IQSEC1: variants seen among roughly 807,000 people sequenced by gnomAD.
IQSEC1 encodes IQ motif and SEC7 domain-containing protein 1.
IQSEC1 carries 31 observed loss-of-function variants against 91.0 expected under a neutral mutation model. The ratio of observed to expected loss-of-function variants is 0.34; its 90% confidence interval spans 0.26 to 0.46. IQSEC1 has a LOEUF of 0.46. IQSEC1 is among the 20% of genes least tolerant of loss of function. The pLI is 1.00. For synonymous variants in IQSEC1, 699 were observed against 662.6 expected, an observed-to-expected ratio of 1.05 and a Z score of -0.84; for missense variants, 1,388 against 1,575.6, an observed-to-expected ratio of 0.88 and a Z score of 2.02.
intron 1 of IQSEC1, among the ~76,000 whole-genome samples, chr3:12,995,494 A>G (rs750779345): frequency 2.6e-5 from 4 of 152,208 alleles, no homozygotes; most frequent in African/African-American, 9.7e-5. Flanking sequence ...TAGTATCCCA[A>G]TTTTACAGAC....
intron 2 of IQSEC1, among the ~76,000 whole-genome samples, chr3:12,938,750 G>A (rs1186777800): frequency 6.6e-6 from 1 of 152,146 alleles, no homozygotes; most frequent in African/African-American, 2.4e-5. Flanking sequence ...TCCCCGCAGG[G>A]CCTTCTCACC....
chr3:12,960,974 GA>G (rs1700207217), intron 1 of IQSEC1, among the ~76,000 whole-genome samples: 1 of 152,234 alleles, frequency 6.6e-6, no homozygotes, highest in African/African-American at 2.4e-5. Flanking sequence ...ACACATCCAG[GA>G]AAGGGCAGAA....
At chr3:13,084,425 A>C (rs931172881) in intron 2 of IQSEC1, among the ~76,000 whole-genome samples, 1 of 152,052 alleles carries the variant, frequency 6.6e-6, no homozygotes, top group Non-Finnish European at 1.5e-5. Flanking sequence ...CATTCATCCA[A>C]ACTTTACTGA....
At chr3:12,921,989 A>G (rs1401850135) in intron 5 of IQSEC1, 131 bp downstream of exon 5, 65 of 1,175,750 alleles carry the variant, frequency 5.5e-5, no homozygotes, top group Non-Finnish European at 7.1e-5. Context: ...ATCACCCCCA[A>G]AGCAACATTC....
chr3:13,188,124 T>C (rs554253527), intron 1 of IQSEC1, among the ~76,000 whole-genome samples: 18 of 152,376 alleles, frequency 1.2e-4, no homozygotes, highest in African/African-American at 4.1e-4. Flanking sequence ...TTTAGACCTC[T>C]GGTAGGACCT....
chr3:13,020,744 A>C (rs1703360321), intron 1 of IQSEC1, among the ~76,000 whole-genome samples: 1 of 152,136 alleles, frequency 6.6e-6, no homozygotes, highest in South Asian at 2.1e-4. Context: ...CATGATCATC[A>C]CACACTACCC....
intron 1 of IQSEC1, among the ~76,000 whole-genome samples, chr3:12,991,870 G>T (rs567122249): frequency 3.2e-4 from 47 of 148,920 alleles, no homozygotes; most frequent in Non-Finnish European, 3.4e-4. Context: ...GGGACAGCAG[G>T]CATGGGACAG....
At chr3:13,028,294 G>A (rs1248729954) in intron 1 of IQSEC1, among the ~76,000 whole-genome samples, 1 of 152,230 alleles carries the variant, frequency 6.6e-6, no homozygotes, top group African/African-American at 2.4e-5. Flanking sequence ...CCAGATAAGG[G>A]ACATGACCTG....
intron 1 of IQSEC1, among the ~76,000 whole-genome samples, chr3:13,281,424 G>A (rs1049497485): frequency 1.3e-5 from 2 of 151,370 alleles, no homozygotes; most frequent in Non-Finnish European, 2.9e-5. Flanking sequence ...CATTCACAGA[G>A]AGCAAGAGCC....
intron 1 of IQSEC1, chr3:13,047,646 C>T (rs1012878495): frequency 3.9e-6 from 1 of 258,414 alleles, no homozygotes; most frequent in African/African-American, 2.3e-5. Context: ...AACTGAGCAG[C>T]CCTGGGAAGA....
chr3:13,022,497 C>T (rs1170813546), intron 1 of IQSEC1: 6 of 989,454 alleles, frequency 6.1e-6, no homozygotes, highest in African/African-American at 5.2e-5. Flanking sequence ...GGGTGAGGGG[C>T]GTCCGCCGGT....
chr3:12,898,736 G>C lies in IQSEC1; in HGVS notation c.*2247C>G, dbSNP rs767031349. Reference sequence around the variant, plus strand: ...CAATATGTAATCGCTTTACTTCAACGATGTGTTTACAGTCACGCCAATACA... The same window carrying C: ...CAATATGTAATCGCTTTACTTCAACCATGTGTTTACAGTCACGCCAATACA... On this transcript the variant is annotated 3_prime_UTR_variant, in exon 14 of 14. Transcript: ENST00000613206. 1 of 152,392 alleles carries C rather than the reference G, an allele frequency of 6.6e-6. No homozygotes were observed. Among genetic ancestry groups the C allele is most frequent in the African/African-American group, 2.4e-5 (1 of 41,456 alleles). The allele number at this position is 152,392 out of a possible 1,614,324, so 9.4% of individuals were successfully genotyped here. A position where few individuals can be genotyped will look rare whatever the true frequency, so the allele number is the denominator to read the frequency against.
chr3:13,033,031 G>T (rs1156818654), intron 1 of IQSEC1, among the ~76,000 whole-genome samples: 2 of 152,204 alleles, frequency 1.3e-5, no homozygotes, highest in Non-Finnish European at 2.9e-5. Context: ...TACTCACGTG[G>T]TGTTGCAAGA....
At chr3:12,974,660 G>A (rs772030022) in intron 1 of IQSEC1, among the ~76,000 whole-genome samples, 9 of 152,194 alleles carry the variant, frequency 5.9e-5, no homozygotes, top group African/African-American at 1.4e-4. Flanking sequence ...TGCCTCTATC[G>A]GTAGAGGACC....
At chr3:13,230,873 C>G (rs973208174) in intron 1 of IQSEC1, among the ~76,000 whole-genome samples, 3 of 152,228 alleles carry the variant, frequency 2.0e-5, no homozygotes, top group African/African-American at 7.2e-5. Flanking sequence ...TCAACTGGGG[C>G]ATGGACAAAA....
chr3:13,072,909 A>G (rs1443538938), intron 1 of IQSEC1, 83 bp downstream of exon 1: 17 of 1,277,606 alleles, frequency 1.3e-5, no homozygotes, highest in African/African-American at 8.9e-5. Flanking sequence ...CCCTCCCCCA[A>G]CGATGCCCCT....
rs186155234 is a variant in IQSEC1, at chr3:13,087,333, A to C, written c.303-39811T>G. Reference sequence around the variant, plus strand: ...AAAAGGAAGAGAAATAGCAAGAAAGAATAACTCAGAGAACTGCATTGTTGC... The same window carrying C: ...AAAAGGAAGAGAAATAGCAAGAAAGCATAACTCAGAGAACTGCATTGTTGC... On this transcript the variant is annotated intron_variant, in intron 2 of 15. Transcript: ENST00000648114. Among the ~76,000 whole-genome samples the C allele has an allele frequency of 3.9e-4, 59 of 152,358 alleles. 1 individual carries two copies. The East Asian group carries it at 0.011, about 29-fold the overall frequency.
chr3:13,050,860 T>C (rs972452396), intron 1 of IQSEC1, among the ~76,000 whole-genome samples: 1 of 152,266 alleles, frequency 6.6e-6, no homozygotes, highest in East Asian at 1.9e-4. Context: ...CATATATTAA[T>C]GTGTGATACC....
At chr3:13,192,293 G>A (rs999725080) in intron 1 of IQSEC1, among the ~76,000 whole-genome samples, 13 of 149,300 alleles carry the variant, frequency 8.7e-5, no homozygotes, top group Non-Finnish European at 1.3e-4. Context: ...AGTCGAGATC[G>A]CACCACTGCA....
Sources: allele counts gnomAD v4.1 joint callset (sites outside exome capture counted in the v4.1 genomes callset), GRCh38; gene constraint gnomAD v4.1.1; transcripts MANE v1.5; gene names NCBI Gene and HGNC (gene_info 2026-07-23, HGNC 2026-07-21).